The following DOCK1 variants were observed in gnomAD, a reference collection of about 807,000 sequenced individuals.
DOCK1 encodes dedicator of cytokinesis protein 1.
Under a neutral mutation model 262.7 loss-of-function variants are expected in DOCK1, and 138 were observed. That is an observed-to-expected ratio of 0.53 (90% CI 0.46 to 0.61). The LOEUF (loss-of-function observed/expected upper bound fraction) is 0.61. Among genes scored for constraint, DOCK1 ranks in the 20% least tolerant of loss-of-function variants. The pLI, the probability that DOCK1 is intolerant of heterozygous loss-of-function variation, is 0.00. For missense variants in DOCK1, 1,908 were observed against 2,370.7 expected (o/e 0.80, Z 4.05); for synonymous variants, 866 against 867.4 (o/e 1.00, Z 0.03).
chr10:127,019,235 GT>G (rs1439260753), intron 13 of DOCK1, among the ~76,000 whole-genome samples: 1 of 152,202 alleles, frequency 6.6e-6, no homozygotes, highest in African/African-American at 2.4e-5. Flanking sequence ...CGCTCAGCTA[GT>G]GTACGTTATA....
At chr10:127,054,408 A>C (rs1222936492) in intron 22 of DOCK1, among the ~76,000 whole-genome samples, 2 of 152,162 alleles carry the variant, frequency 1.3e-5, no homozygotes, top group Non-Finnish European at 2.9e-5. Context: ...GTTTGAGGGC[A>C]TCATGGTTTT....
At chr10:127,318,882 G>C (rs929392975) in intron 29 of DOCK1, among the ~76,000 whole-genome samples, 1 of 152,226 alleles carries the variant, frequency 6.6e-6, no homozygotes, top group Non-Finnish European at 1.5e-5. Flanking sequence ...GGCCAGAGGG[G>C]CCTGAAAGGC....
rs767625959 is a variant in DOCK1, at chr10:127,439,016, CT to C, written c.5061-8del. On this transcript the variant is annotated splice_polypyrimidine_tract_variant and intron_variant, in intron 48 of 51. Transcript: ENST00000623213. ...GCTCTCCTATTAAGACGTCATTGACCTTTCCTTTAGGTTTGCCCTGGAGCCT... is the reference window on the plus strand; with the variant it reads ...GCTCTCCTATTAAGACGTCATTGACCTTCCTTTAGGTTTGCCCTGGAGCCT... 12 of 1,546,678 alleles carry C rather than the reference CT, an allele frequency of 7.8e-6. No individual in the cohort carries two copies. The highest frequency in any genetic ancestry group is 1.0e-5 in the Non-Finnish European group (12 of 1,145,242).
chr10:127,306,741 T>G (rs2061891984), intron 29 of DOCK1, among the ~76,000 whole-genome samples: 1 of 152,188 alleles, frequency 6.6e-6, no homozygotes, highest in East Asian at 1.9e-4. Context: ...TGGGGGACTT[T>G]AAAATTTATC....
chr10:127,166,588 C>T (rs2054110691), intron 27 of DOCK1, among the ~76,000 whole-genome samples: 1 of 152,156 alleles, frequency 6.6e-6, no homozygotes, highest in South Asian at 2.1e-4. Context: ...GAAGATAATA[C>T]CAAATGGCTG....
At chr10:127,250,545 C>A (rs1213629531) in intron 28 of DOCK1, among the ~76,000 whole-genome samples, 2 of 152,084 alleles carry the variant, frequency 1.3e-5, no homozygotes, top group Non-Finnish European at 2.9e-5. Flanking sequence ...AATCCCAGCA[C>A]TTTGGGAGGT....
At chr10:127,389,508 G>A (rs545633083) in intron 38 of DOCK1, among the ~76,000 whole-genome samples, 1 of 152,302 alleles carries the variant, frequency 6.6e-6, no homozygotes, top group African/African-American at 2.4e-5. Context: ...GTGGGCAGGT[G>A]ACACAGCCCA....
Position 127,294,471 on chromosome 10 carries a change from G to A in DOCK1, c.3044+37042G>A, listed in dbSNP as rs117122370. Among the ~76,000 whole-genome samples, 1,298 of 151,806 alleles carry A rather than the reference G, an allele frequency of 8.6e-3. 36 individuals are homozygous for A. The East Asian group carries it at 0.11, about 12-fold the overall frequency. ...CCACTAGCTGGGATTACAGGCACTC[G>A]TCACCACGCCAGGCTGATTTTTGTA... On this transcript the variant is annotated intron_variant, in intron 29 of 51. Coordinates refer to ENST00000623213, the MANE Select transcript of DOCK1 (RefSeq NM_001290223.2).
intron 25 of DOCK1, among the ~76,000 whole-genome samples, chr10:127,125,152 G>A (rs975509899): frequency 6.6e-6 from 1 of 152,110 alleles, no homozygotes; most frequent in Non-Finnish European, 1.5e-5. Context: ...AAAAACCCAT[G>A]TGTGTTTGTG....
At chr10:127,224,144 C>T (rs2058546798) in intron 27 of DOCK1, among the ~76,000 whole-genome samples, 1 of 151,940 alleles carries the variant, frequency 6.6e-6, no homozygotes, top group Non-Finnish European at 1.5e-5. Context: ...TGCTTTTCAT[C>T]CATGGAAAAC....
chr10:126,946,946 C>A (rs1169365602), intron 1 of DOCK1, among the ~76,000 whole-genome samples: 1 of 152,298 alleles, frequency 6.6e-6, no homozygotes, highest in East Asian at 1.9e-4. Flanking sequence ...GGATCAGACG[C>A]TCATTGTGAA....
In DOCK1 at chr10:127,175,854, ATG is replaced by A. The variant is rs1028170000; in HGVS notation, c.2847+48094_2847+48095del. On this transcript the variant is annotated intron_variant, in intron 27 of 51. Transcript: ENST00000623213. The surrounding 1 kb of genome is among the most constrained non-coding windows in gnomAD (Gnocchi z 6.3). ...CCCCAAAGGCTGGTCCACTGTGTTC[ATG>A]TGTTGGTTGGAATGGAAAACCAAGG... 1 of 1,613,900 alleles carries A rather than the reference ATG, an allele frequency of 6.2e-7. No individual in the cohort carries two copies. The highest frequency in any genetic ancestry group is 1.3e-5 in the African/African-American group (1 of 74,870).
intron 37 of DOCK1, among the ~76,000 whole-genome samples, chr10:127,382,780 A>T (rs186256792): frequency 6.6e-6 from 1 of 152,244 alleles, no homozygotes; most frequent in Admixed American, 6.5e-5. Flanking sequence ...GTAAACTTTT[A>T]TATGCATGTG....
intron 1 of DOCK1, among the ~76,000 whole-genome samples, chr10:126,911,818 GA>G (rs1264052860): frequency 4.6e-5 from 7 of 152,160 alleles, no homozygotes; most frequent in African/African-American, 1.4e-4. Context: ...TATGCAAATG[GA>G]TTGCATTTGC....
intron 48 of DOCK1, among the ~76,000 whole-genome samples, chr10:127,434,766 C>T (rs1239946783): frequency 6.6e-6 from 1 of 152,006 alleles, no homozygotes; most frequent in East Asian, 1.9e-4. Flanking sequence ...AATTCTTTTG[C>T]CTCAGCCTCC....
chr10:127,340,144 T>C (rs913631736), intron 30 of DOCK1, among the ~76,000 whole-genome samples: 20 of 152,222 alleles, frequency 1.3e-4, no homozygotes, highest in African/African-American at 4.3e-4. Context: ...TCAGGTGCCA[T>C]ATATCTAAAC....
rs1213063534 is a variant in DOCK1, at chr10:126,963,676, TC to T, written c.47-7023del. Among the ~76,000 whole-genome samples the T allele has an allele frequency of 2.1e-3, 264 of 125,010 alleles. 10 individuals are homozygous for T. The highest frequency in any genetic ancestry group is 8.0e-3 in the African/African-American group (247 of 30,798). The allele number at this position is 125,010 out of a possible 152,430, so 82.0% of individuals were successfully genotyped here. ...CTTCCTTCCTTCCTTCCTTCCTCCC[TC>T]CCTTCCTCCCTTCCTTCCTTCCAAG... On this transcript the variant is annotated intron_variant, in intron 1 of 51. Transcript: ENST00000623213.
chr10:127,280,609 C>T (rs946907933), intron 29 of DOCK1, among the ~76,000 whole-genome samples: 17 of 152,048 alleles, frequency 1.1e-4, no homozygotes, highest in African/African-American at 3.1e-4. Context: ...AGCCTCTTGC[C>T]GAGCACTTTA....
At chr10:127,414,747 G>A (rs2068060166) in intron 43 of DOCK1, among the ~76,000 whole-genome samples, 1 of 152,210 alleles carries the variant, frequency 6.6e-6, no homozygotes, top group Non-Finnish European at 1.5e-5. Context: ...TCCCAAAGAT[G>A]TATTTGCCCC....
Sources: gnomAD v4.1 joint callset for allele counts (sites outside exome capture counted in the v4.1 genomes callset) on GRCh38, gnomAD v4.1.1 for gene constraint, Gnocchi (gnomAD v3.1) non-coding constraint, MANE v1.5 for transcripts, NCBI Gene and HGNC (gene_info 2026-07-23, HGNC 2026-07-21) for gene names.